ZNF777: variants seen among roughly 807,000 people sequenced by gnomAD.
The protein encoded by ZNF777 is zinc finger protein 777.
A neutral mutation model predicts 72.1 loss-of-function variants in ZNF777; 7 were observed. The ratio of observed to expected loss-of-function variants is 0.10; its 90% CI spans 0.06 to 0.18. ZNF777 has a LOEUF of 0.18. Among genes scored for constraint, ZNF777 ranks in the 10% least tolerant of loss-of-function variants. The pLI, the probability that ZNF777 is intolerant of heterozygous loss-of-function variation, is 1.00. For missense variants in ZNF777, 828 were observed against 1,128.6 expected (o/e 0.73, Z 3.82); for synonymous variants, 545 against 483.5 (o/e 1.13, Z -1.67).
At position 149,454,061 on chromosome 7, in the gene ZNF777, C is replaced by G. The variant is rs371413815; in HGVS notation, c.973+50G>C. On this transcript the variant is annotated intron_variant, in intron 3 of 5. Transcript: ENST00000247930. ...AGAACTCCCTAAGTTTATGAATGCA[C>G]TTTGAGCTGGCGTCCAGGCAGCCCC... 5.5e-5 allele frequency: 88 copies of G among 1,609,520 alleles called. No homozygotes were observed. The African/African-American group carries it at 1.1e-3, about 20-fold the overall frequency.
rs1799909651 is a variant in ZNF777 at position 149,459,780 on chromosome 7, C to T, written c.-16+1035G>A. ...CCGGGCCGGGGAAGGCTCCGCGGGG[C>T]CGAGCTCTGCGGAAAACGTGCCGGC... On this transcript the variant is annotated intron_variant, in intron 1 of 5. Transcript: ENST00000247930. The T allele has an allele frequency of 1.2e-5, 12 of 984,908 alleles. 1 individual carries two copies. The Admixed American group carries it at 3.1e-4, about 25-fold the overall frequency. The allele number at this position is 984,908 out of a possible 1,614,324, so 61.0% of individuals were successfully genotyped here. A position where few individuals can be genotyped will look rare whatever the true frequency, so the allele number is the denominator to read the frequency against.
At chr7:149,444,941 T>A (rs1799579050) in intron 4 of ZNF777, among the ~76,000 whole-genome samples, 1 of 152,354 alleles carries the variant, frequency 6.6e-6, no homozygotes, top group Non-Finnish European at 1.5e-5. Flanking sequence ...TCTTGAATTA[T>A]TTTGTTGATA....
chr7:149,448,509 A>AGT (rs1799648609), intron 4 of ZNF777, among the ~76,000 whole-genome samples: 3 of 137,180 alleles, frequency 2.2e-5, no homozygotes, highest in Non-Finnish European at 3.1e-5. Flanking sequence ...ATATATATAT[A>AGT]TAACTATATA....
rs953502151 is a variant in ZNF777, at chr7:149,436,033, G to T, written c.1339+542C>A. On this transcript the variant is annotated intron_variant, in intron 5 of 5. Transcript: ENST00000247930. This position sits in a 1 kb window ranked among gnomAD's most constrained non-coding sequence, Gnocchi z 5.0. ...AAAGATGTCCTGGGATCAGGCCACC[G>T]TGAGCCCCAGTGCCTTACTGTTCTT... Among the ~76,000 whole-genome samples, 2 of 152,184 alleles carry T rather than the reference G, an allele frequency of 1.3e-5. No homozygotes were observed. Among genetic ancestry groups the T allele is most frequent in the Non-Finnish European group, 2.9e-5 (2 of 68,036 alleles).
At chr7:149,437,305 T>C (rs1187890951) in intron 4 of ZNF777, among the ~76,000 whole-genome samples, 1 of 152,102 alleles carries the variant, frequency 6.6e-6, no homozygotes, top group African/African-American at 2.4e-5. Context: ...GAGATGCTCA[T>C]TCCCTTTCTC....
chr7:149,436,558 C>A lies in ZNF777; in HGVS notation c.1339+17G>T, dbSNP rs768948289. The A allele has an allele frequency of 1.9e-6, 3 of 1,577,322 alleles. No individual in the cohort carries two copies. The highest frequency in any genetic ancestry group is 2.3e-5 in the East Asian group (1 of 44,090). On this transcript the variant is annotated intron_variant, in intron 5 of 5. Transcript: ENST00000247930. This position sits in a 1 kb window ranked among gnomAD's most constrained non-coding sequence, Gnocchi z 5.0. ...CTCATGGCAACCCTTCCCCGGCCGT[C>A]CCCGCCCAGCACTCACCCGTGCAGT...
Position 149,460,207 on chromosome 7 carries a change from T to C in ZNF777, c.-16+608A>G. On this transcript the variant is annotated intron_variant, in intron 1 of 5. Transcript: ENST00000247930. The surrounding 1 kb of genome is among the most constrained non-coding windows in gnomAD (Gnocchi z 6.1). ...CCGCCGCTACTGCCGCCGCCGCTACTGCGCGCGGCCCCACGCAGGCCCGGC... is the reference window on the plus strand; with the variant it reads ...CCGCCGCTACTGCCGCCGCCGCTACCGCGCGCGGCCCCACGCAGGCCCGGC... The C allele has an allele frequency of 1.6e-6, 1 of 627,780 alleles. No individual in the cohort carries two copies. The highest frequency in any genetic ancestry group is 2.0e-6 in the Non-Finnish European group (1 of 506,186). The allele number at this position is 627,780 out of a possible 1,614,324, so 38.9% of individuals were successfully genotyped here.
intron 5 of ZNF777, among the ~76,000 whole-genome samples, chr7:149,434,806 C>T (rs1217493630): frequency 6.6e-6 from 1 of 152,164 alleles, no homozygotes; most frequent in Non-Finnish European, 1.5e-5. Flanking sequence ...TGCTCTCGAA[C>T]TCCTAACCTC....
intron 4 of ZNF777, 32 bp downstream of exon 4, chr7:149,450,967 T>C (rs1426220685): frequency 4.5e-6 from 7 of 1,571,980 alleles, no homozygotes; most frequent in Non-Finnish European, 6.1e-6. Context: ...AGATCTAGAA[T>C]GCAGAGCTGC....
Position 149,432,159 on chromosome 7 carries a change from G to A in ZNF777, c.2113C>T (p.Arg705Cys), listed in dbSNP as rs1249702607. Reference sequence around the variant, plus strand: ...TGGTGGCGCAGCAGGTGCGAGGGGCGGCTGAAGCTCTTGCCGCACAGGCTG... The same window carrying A: ...TGGTGGCGCAGCAGGTGCGAGGGGCAGCTGAAGCTCTTGCCGCACAGGCTG... ...ICSLCGKSFS[R>C]PSHLLRHQRT... is the part of the protein sequence containing the mutation. The change falls in exon 6 of 6, where the codon CGC (arginine) becomes TGC (cysteine). Residue 705 changes from arginine to cysteine, a missense_variant. Coordinates refer to ENST00000247930, the MANE Select transcript of ZNF777 (RefSeq NM_015694.3). 1.2e-6 allele frequency: 2 copies of A among 1,604,910 alleles called. No homozygotes were observed. The highest frequency in any genetic ancestry group is 1.7e-6 in the Non-Finnish European group (2 of 1,179,896).
At chr7:149,437,050 G>A (rs534057909) in intron 4 of ZNF777, among the ~76,000 whole-genome samples, 10 of 152,194 alleles carry the variant, frequency 6.6e-5, no homozygotes, top group African/African-American at 2.4e-4. Flanking sequence ...TAGATGCAAA[G>A]TTTGTTTTCC....
rs1446390497 is a variant in ZNF777, at chr7:149,431,556, G to A, written c.*220C>T. The A allele has an allele frequency of 2.2e-6, 1 of 462,528 alleles. No homozygotes were observed. Among genetic ancestry groups the A allele is most frequent in the East Asian group, 7.5e-5 (1 of 13,282 alleles). 28.7% of individuals were successfully genotyped at this position (462,528 alleles called of 1,614,324 possible). A position where few individuals can be genotyped will look rare whatever the true frequency, so the allele number is the denominator to read the frequency against. ...TTAACAGCCCGAAAGGGTTCCCCAG[G>A]TCCGCGCCCTCCCCCCTGGGGCCCC... On this transcript the variant is annotated 3_prime_UTR_variant, in exon 6 of 6. Transcript: ENST00000247930.
At chr7:149,441,627 C>A (rs1385763824) in intron 4 of ZNF777, among the ~76,000 whole-genome samples, 2 of 152,142 alleles carry the variant, frequency 1.3e-5, no homozygotes, top group African/African-American at 4.8e-5. Flanking sequence ...GGTTTTTAAT[C>A]TTTGTAATAA....
At position 149,453,768 on chromosome 7, in the gene ZNF777, T is replaced by C. The variant is rs1799770089; in HGVS notation, c.973+343A>G. ...CACTTTCCTTTCATTCTTTTTTCCT[T>C]CCTTAATAATAGTTTGCTGGACAAA... is the stretch of plus-strand genomic sequence containing the variant. On this transcript the variant is annotated intron_variant, in intron 3 of 5. Transcript: ENST00000247930. Among the ~76,000 whole-genome samples the C allele has an allele frequency of 2.0e-5, 3 of 152,226 alleles. No homozygotes were observed. In the South Asian group the frequency reaches 6.2e-4, roughly 32 times the overall value.
rs1279139164 is a variant in ZNF777 at position 149,436,727 on chromosome 7, T to G, written c.1187A>C (p.His396Pro). ...PEPLMGQVEE[H>P]GFQDSELGDP... Reference sequence around the variant, plus strand: ...ACCCAGCTCTGAGTCCTGGAAGCCGTGCTCTTCCACCTGTCCCATCAGGGG... The same window carrying G: ...ACCCAGCTCTGAGTCCTGGAAGCCGGGCTCTTCCACCTGTCCCATCAGGGG... Residue 396 changes from histidine to proline, a missense_variant, in exon 5 of 6, where the codon CAC becomes CCC. By Grantham distance (77) the His-to-Pro change is moderately conservative. This residue lies in a region of ZNF777 where 219 missense variants were observed against 223.0 expected (regional missense o/e 0.98). Transcript: ENST00000247930. The surrounding 1 kb of genome is among the most constrained non-coding windows in gnomAD (Gnocchi z 5.0). The G allele has an allele frequency of 5.0e-6, 8 of 1,614,186 alleles. No individual in the cohort carries two copies. The highest frequency in any genetic ancestry group is 6.8e-6 in the Non-Finnish European group (8 of 1,180,042).
intron 4 of ZNF777, among the ~76,000 whole-genome samples, chr7:149,443,785 G>C (rs1419938174): frequency 6.6e-6 from 1 of 152,102 alleles, no homozygotes; most frequent in East Asian, 1.9e-4. Flanking sequence ...TAGAGATGGG[G>C]TTTTACCATG....
At chr7:149,452,244 A>G (rs1026342953) in intron 3 of ZNF777, among the ~76,000 whole-genome samples, 35 of 150,370 alleles carry the variant, frequency 2.3e-4, no homozygotes, top group African/African-American at 6.1e-4. Flanking sequence ...TAGCCTGGGC[A>G]ACAGAGCGAG....
intron 2 of ZNF777, 146 bp from the exon 3 acceptor site, chr7:149,454,383 T>A: frequency 1.1e-6 from 1 of 944,180 alleles, no homozygotes; most frequent in Non-Finnish European, 1.5e-6. Flanking sequence ...CCCCAAAGAG[T>A]GAGGGGCCTG....
intron 5 of ZNF777, among the ~76,000 whole-genome samples, chr7:149,435,686 G>A (rs1368567347): frequency 6.6e-6 from 1 of 151,924 alleles, no homozygotes; most frequent in Non-Finnish European, 1.5e-5. Context: ...ACACATAAAC[G>A]AAACATCCAG....
Sources: allele counts gnomAD v4.1 joint callset (sites outside exome capture counted in the v4.1 genomes callset), GRCh38; gene constraint gnomAD v4.1.1; regional missense constraint gnomAD v4.1.1; non-coding constraint Gnocchi (gnomAD v3.1); transcripts MANE v1.5; gene names NCBI Gene and HGNC (gene_info 2026-07-23, HGNC 2026-07-21).